Variants in FBXO25 observed in about 807,000 individuals in gnomAD.
FBXO25 encodes the protein F-box only protein 25.
Under a neutral mutation model 51.9 loss-of-function variants are expected in FBXO25, and 45 were observed. The observed-to-expected ratio is 0.87, with a 90% confidence interval of 0.68 to 1.11. FBXO25 has a LOEUF of 1.11. Among genes scored for constraint, FBXO25 ranks in the 50% most tolerant of loss-of-function variants. FBXO25 has a pLI of 0.00. For missense variants in FBXO25, 507 were observed against 428.5 expected (o/e 1.18, Z -1.62); for synonymous variants, 199 against 151.0 (o/e 1.32, Z -2.33).
intron 2 of FBXO25, chr8:420,518 A>G (rs1797083746): frequency 6.6e-6 from 1 of 152,228 alleles, no homozygotes; most frequent in Non-Finnish European, 1.5e-5. Context: ...AGTAATTGCC[A>G]ACACTCAAAA....
chr8:475,262 GTTTA>G lies in FBXO25; in HGVS notation c.*6462_*6465del. On this transcript the variant is annotated 3_prime_UTR_variant, in exon 10 of 10. Transcript: ENST00000350302. ...AATCATTTGACCCATATGTGCAAGG[GTTTA>G]TTTGGGGATTTGCTATTCTGTTCCA... 1 of 228,362 alleles carries G rather than the reference GTTTA, an allele frequency of 4.4e-6. No individual in the cohort carries two copies. Among genetic ancestry groups the G allele is most frequent in the South Asian group, 6.2e-5 (1 of 16,158 alleles). The allele number at this position is 228,362 out of a possible 1,614,324, so 14.1% of individuals were successfully genotyped here.
At chr8:407,619 C>T (rs532280141) in intron 1 of FBXO25, among the ~76,000 whole-genome samples, 16 of 152,094 alleles carry the variant, frequency 1.1e-4, no homozygotes, top group South Asian at 4.1e-4. Flanking sequence ...CAAGGTGTTT[C>T]GGGGACGACT....
chr8:424,012 G>T (rs1585021677), intron 2 of FBXO25, among the ~76,000 whole-genome samples: 2 of 152,006 alleles, frequency 1.3e-5, no homozygotes, highest in Non-Finnish European at 2.9e-5. Context: ...GTATCTCATT[G>T]TGGTTTTGAT....
In FBXO25 at chr8:457,835, C is replaced by A. The variant is rs751003340; in HGVS notation, c.661-534C>A. Among the ~76,000 whole-genome samples, 94 of 152,176 alleles carry A rather than the reference C, an allele frequency of 6.2e-4. 1 individual carries two copies. The highest frequency in any genetic ancestry group is 2.2e-4 in the Non-Finnish European group (15 of 68,030). On this transcript the variant is annotated intron_variant, in intron 7 of 9. Transcript: ENST00000350302. ...AGTTACACCTCAATAAAGAAAAAAA[C>A]CCCACAAAGCTAGAAGGAGCTTTGC... is the stretch of plus-strand genomic sequence containing the variant.
Position 455,093 on chromosome 8 carries a change from C to T in FBXO25, c.661-3276C>T, listed in dbSNP as rs117337926. Among the ~76,000 whole-genome samples, 862 of 152,176 alleles carry T rather than the reference C, an allele frequency of 5.7e-3. 9 individuals carry two copies. The highest frequency in any genetic ancestry group is 0.034 in the South Asian group (165 of 4,818). ...TTCCCAGAAGTTGCAGAATTGACTCCTGTGAGAAGGTATGGGAACTTCCGC... is the reference window on the plus strand; with the variant it reads ...TTCCCAGAAGTTGCAGAATTGACTCTTGTGAGAAGGTATGGGAACTTCCGC... On this transcript the variant is annotated intron_variant, in intron 7 of 9. Transcript: ENST00000350302.
At chr8:413,029 T>C (rs770246772) in intron 1 of FBXO25, 44 bp from the exon 2 acceptor site, 3 of 1,346,540 alleles carry the variant, frequency 2.2e-6, no homozygotes, top group Admixed American at 2.6e-5. Context: ...AAGAAACTTT[T>C]ATGAATTATA....
Position 477,004 on chromosome 8 carries a change from C to T in FBXO25, c.*8200C>T, listed in dbSNP as rs1349796640. 1 of 148,808 alleles carries T rather than the reference C, an allele frequency of 6.7e-6. No homozygotes were observed. The highest frequency in any genetic ancestry group is 2.5e-5 in the African/African-American group (1 of 39,460). 9.2% of individuals were successfully genotyped at this position (148,808 alleles called of 1,614,324 possible). On this transcript the variant is annotated 3_prime_UTR_variant, in exon 10 of 10. Transcript: ENST00000350302. ...TTTTGTATATTACATTTTTCATTTA[C>T]CACAAGATATTTTCTAATTTCCCTT...
At chr8:467,753 C>T (rs1800270611) in intron 9 of FBXO25, 4 of 1,613,826 alleles carry the variant, frequency 2.5e-6, no homozygotes, top group Non-Finnish European at 3.4e-6. Flanking sequence ...CAAGGTACTT[C>T]CCTGTCTTGC....
At chr8:421,506 A>T (rs1304173500) in intron 2 of FBXO25, among the ~76,000 whole-genome samples, 1 of 152,218 alleles carries the variant, frequency 6.6e-6, no homozygotes, top group Non-Finnish European at 1.5e-5. Flanking sequence ...AACTGTACAT[A>T]TTCTAGGAAG....
chr8:428,044 G>A lies in FBXO25; in HGVS notation c.135-3297G>A, dbSNP rs961491013. ...TATTATAGGTCATCACTAAAATGAG[G>A]ATTGTAATTTATAGAAATTGGGGTT... On this transcript the variant is annotated intron_variant, in intron 2 of 9. Coordinates refer to ENST00000350302, the MANE Select transcript of FBXO25 (RefSeq NM_183420.2). 3.0e-4 allele frequency among the ~76,000 whole-genome samples: 46 copies of A among 152,320 alleles called. No homozygotes were observed. In the Middle Eastern group the frequency reaches 0.01, roughly 34 times the overall value.
rs1482408260 is a variant in FBXO25 at position 477,012 on chromosome 8, T to C, written c.*8208T>C. 3 of 152,180 alleles carry C rather than the reference T, an allele frequency of 2.0e-5. No homozygotes were observed. Among genetic ancestry groups the C allele is most frequent in the Non-Finnish European group, 2.9e-5 (2 of 68,032 alleles). The allele number at this position is 152,180 out of a possible 1,614,324, so 9.4% of individuals were successfully genotyped here. A position where few individuals can be genotyped will look rare whatever the true frequency, so the allele number is the denominator to read the frequency against. On this transcript the variant is annotated 3_prime_UTR_variant, in exon 10 of 10. Transcript: ENST00000350302. ...ATTACATTTTTCATTTACCACAAGATATTTTCTAATTTCCCTTGTGAGTTC... is the reference window on the plus strand; with the variant it reads ...ATTACATTTTTCATTTACCACAAGACATTTTCTAATTTCCCTTGTGAGTTC...
intron 7 of FBXO25, among the ~76,000 whole-genome samples, chr8:456,539 G>C (rs1799443430): frequency 6.6e-6 from 1 of 152,194 alleles, no homozygotes; most frequent in Non-Finnish European, 1.5e-5. Flanking sequence ...GGACTGTGCA[G>C]CTCCATAGCC....
intron 7 of FBXO25, among the ~76,000 whole-genome samples, chr8:454,563 C>T (rs1799296194): frequency 6.6e-6 from 1 of 152,162 alleles, no homozygotes; most frequent in African/African-American, 2.4e-5. Context: ...GTTGACATTA[C>T]ATTGGTTCAC....
rs1351081263 is a variant in FBXO25 at position 474,639 on chromosome 8, G to A, written c.*5835G>A. On this transcript the variant is annotated 3_prime_UTR_variant, in exon 10 of 10. Coordinates refer to ENST00000350302, the MANE Select transcript of FBXO25 (RefSeq NM_183420.2). ...TTTCCGTAATGACTGGTGATGCTGA[G>A]TATCTGTTTGTTGGCCGTTTATATG... The A allele has an allele frequency of 2.3e-6, 1 of 436,042 alleles. No individual in the cohort carries two copies. The highest frequency in any genetic ancestry group is 1.7e-5 in the South Asian group (1 of 59,824). The allele number at this position is 436,042 out of a possible 1,614,324, so 27.0% of individuals were successfully genotyped here. A position where few individuals can be genotyped will look rare whatever the true frequency, so the allele number is the denominator to read the frequency against.
intron 6 of FBXO25, among the ~76,000 whole-genome samples, chr8:450,481 A>T (rs1799009929): frequency 6.6e-6 from 1 of 152,214 alleles, no homozygotes; most frequent in Non-Finnish European, 1.5e-5. Flanking sequence ...TTGATAAGTT[A>T]CTGGCTGTTA....
intron 1 of FBXO25, among the ~76,000 whole-genome samples, chr8:410,447 G>T (rs565390394): frequency 1.3e-5 from 2 of 151,550 alleles, no homozygotes; most frequent in Admixed American, 1.3e-4. Flanking sequence ...TTTTAATATA[G>T]ATTTCTGAAT....
intron 1 of FBXO25, among the ~76,000 whole-genome samples, chr8:408,838 G>A (rs1195263579): frequency 2.0e-5 from 3 of 152,124 alleles, no homozygotes; most frequent in South Asian, 2.1e-4. Flanking sequence ...AAATAAGTTG[G>A]CATAAAATGT....
chr8:451,376 A>C lies in FBXO25; in HGVS notation c.583A>C (p.Asn195His). 1 of 1,614,064 alleles carries C rather than the reference A, an allele frequency of 6.2e-7. No homozygotes were observed. The highest frequency in any genetic ancestry group is 1.3e-5 in the African/African-American group (1 of 75,032). Residue 195 changes from asparagine (N) to histidine (H), a missense_variant, in exon 7 of 10, where the codon AAC (asparagine) becomes CAC (histidine). Asn to His is a moderately conservative substitution (Grantham distance 68). Transcript: ENST00000350302. ...RGVGKSVLVG[N>H]INIWICRLET... The stretch of plus-strand genomic sequence containing the variant: ...AGTAGGGAAGTCTGTATTAGTGGGA[A>C]ACATCAATATTTGGATTTGCCGATT...
At chr8:420,062 G>T (rs1170774478) in intron 2 of FBXO25, among the ~76,000 whole-genome samples, 1 of 152,106 alleles carries the variant, frequency 6.6e-6, no homozygotes, top group Non-Finnish European at 1.5e-5. Flanking sequence ...TATTGTTAGG[G>T]AAACAAATGC....
Sources: allele counts gnomAD v4.1 joint callset (sites outside exome capture counted in the v4.1 genomes callset), GRCh38; gene constraint gnomAD v4.1.1; transcripts MANE v1.5; gene names NCBI Gene and HGNC (gene_info 2026-07-23, HGNC 2026-07-21).